The following ZNF385D variants were observed in gnomAD, a reference collection of about 807,000 sequenced individuals.
The protein encoded by ZNF385D is zinc finger protein 385D, also known as zinc finger protein 659.
A neutral mutation model predicts 35.8 loss-of-function variants in ZNF385D; 15 were observed. The observed-to-expected ratio is 0.42, with a 90% CI of 0.28 to 0.64. The LOEUF is 0.64. Among genes scored for constraint, ZNF385D ranks in the 30% least tolerant of loss-of-function variants. ZNF385D has a pLI of 0.23. For missense variants in ZNF385D, 474 were observed against 494.6 expected (o/e 0.96, Z 0.39); for synonymous variants, 212 against 186.8 (o/e 1.13, Z -1.10).
At chr3:22,261,843 C>G (rs1700649499) in intron 2 of ZNF385D, among the ~76,000 whole-genome samples, 1 of 151,982 alleles carries the variant, frequency 6.6e-6, no homozygotes, top group Admixed American at 6.6e-5. Context: ...CTCCTCAAGC[C>G]TATGGGTGAT....
intron 3 of ZNF385D, among the ~76,000 whole-genome samples, chr3:21,527,430 T>C (rs1214079761): frequency 6.6e-6 from 1 of 152,156 alleles, no homozygotes; most frequent in East Asian, 1.9e-4. Context: ...CCCAACATAA[T>C]TCATTTCACC....
At chr3:22,192,562 A>G (rs1490246403) in intron 2 of ZNF385D, among the ~76,000 whole-genome samples, 1 of 152,146 alleles carries the variant, frequency 6.6e-6, no homozygotes, top group African/African-American at 2.4e-5. Context: ...TTGTGAAGAC[A>G]CTCAAGCAAG....
At chr3:22,298,380 G>A (rs1277201362) in intron 2 of ZNF385D, among the ~76,000 whole-genome samples, 1 of 144,834 alleles carries the variant, frequency 6.9e-6, no homozygotes, top group Admixed American at 7.1e-5. Flanking sequence ...ATGTATGTGT[G>A]TGTGTGTGTG....
At chr3:22,201,326 T>C (rs1368799022) in intron 2 of ZNF385D, among the ~76,000 whole-genome samples, 1 of 152,066 alleles carries the variant, frequency 6.6e-6, no homozygotes, top group Non-Finnish European at 1.5e-5. Context: ...GAAAATTAAA[T>C]AAATAATATC....
At chr3:22,173,429 T>G (rs751904942) in intron 2 of ZNF385D, among the ~76,000 whole-genome samples, 1 of 152,132 alleles carries the variant, frequency 6.6e-6, no homozygotes, top group Non-Finnish European at 1.5e-5. Flanking sequence ...CTCTACCAAT[T>G]TGGCAACTTT....
At chr3:21,737,454 G>A (rs573010869) in intron 1 of ZNF385D, among the ~76,000 whole-genome samples, 63 of 112,070 alleles carry the variant, frequency 5.6e-4, no homozygotes, top group Non-Finnish European at 7.2e-4. Flanking sequence ...ATAAACAAGA[G>A]GGGGATATAT....
chr3:22,122,229 G>T (rs1020430235), intron 3 of ZNF385D, among the ~76,000 whole-genome samples: 1 of 152,060 alleles, frequency 6.6e-6, no homozygotes, highest in African/African-American at 2.4e-5. Context: ...CTTTCTACCA[G>T]AACTTGCTCT....
chr3:21,834,252 A>T (rs1695186430), intron 3 of ZNF385D, among the ~76,000 whole-genome samples: 1 of 152,092 alleles, frequency 6.6e-6, no homozygotes, highest in African/African-American at 2.4e-5. Context: ...AGTCCACGAG[A>T]CTCAGAGCTG....
intron 3 of ZNF385D, among the ~76,000 whole-genome samples, chr3:22,133,358 T>C (rs1703912699): frequency 6.6e-6 from 1 of 152,010 alleles, no homozygotes; most frequent in African/African-American, 2.4e-5. Context: ...AAACTCTCTA[T>C]ATCTCTATAT....
intron 2 of ZNF385D, among the ~76,000 whole-genome samples, chr3:22,260,598 A>G (rs986090719): frequency 6.6e-6 from 1 of 152,032 alleles, no homozygotes; most frequent in African/African-American, 2.4e-5. Context: ...ATCAGTATAA[A>G]TTTGATAGGT....
chr3:22,230,951 A>G (rs1312544649), intron 2 of ZNF385D, among the ~76,000 whole-genome samples: 2 of 152,106 alleles, frequency 1.3e-5, no homozygotes, highest in Non-Finnish European at 2.9e-5. Context: ...GCACTCAGGA[A>G]ATGTACTAAT....
intron 2 of ZNF385D, among the ~76,000 whole-genome samples, chr3:22,299,884 A>G (rs879688441): frequency 4.6e-5 from 7 of 151,898 alleles, no homozygotes; most frequent in Non-Finnish European, 1.0e-4. Flanking sequence ...AAATGTTCAT[A>G]TACCCAAAGC....
At chr3:21,771,518 A>T (rs1214492518) in intron 3 of ZNF385D, among the ~76,000 whole-genome samples, 1 of 151,990 alleles carries the variant, frequency 6.6e-6, no homozygotes, top group Admixed American at 6.6e-5. Context: ...TTGTTCCTAA[A>T]AAAGACTTGA....
Position 21,421,167 on chromosome 3 carries a change from TTTG to T in ZNF385D, c.*44_*46del. The T allele has an allele frequency of 1.3e-6, 2 of 1,513,594 alleles. No homozygotes were observed. The highest frequency in any genetic ancestry group is 1.8e-6 in the Non-Finnish European group (2 of 1,094,608). The allele number at this position is 1,513,594 out of a possible 1,614,324, so 93.8% of individuals were successfully genotyped here. On this transcript the variant is annotated 3_prime_UTR_variant, in exon 8 of 8. Coordinates refer to ENST00000281523, the MANE Select transcript of ZNF385D (RefSeq NM_024697.3). ...TAGTTCTCTTTTGTTTGTTTTGTTT[TTTG>T]TTTTTTGAAAAATTATTGCAGTACA... is the stretch of plus-strand genomic sequence containing the variant.
At chr3:22,000,660 C>G (rs1695783409) in intron 3 of ZNF385D, among the ~76,000 whole-genome samples, 1 of 151,474 alleles carries the variant, frequency 6.6e-6, no homozygotes, top group Non-Finnish European at 1.5e-5. Context: ...GGAAAAGCAT[C>G]AAGTCAAATA....
At chr3:21,793,668 G>C (rs747166313) in intron 3 of ZNF385D, among the ~76,000 whole-genome samples, 1 of 152,178 alleles carries the variant, frequency 6.6e-6, no homozygotes, top group Non-Finnish European at 1.5e-5. Context: ...GTTGTAAAGC[G>C]ATGGGAGCAA....
intron 3 of ZNF385D, among the ~76,000 whole-genome samples, chr3:21,833,987 A>T (rs1695165963): frequency 6.6e-6 from 1 of 152,194 alleles, no homozygotes; most frequent in African/African-American, 2.4e-5. Flanking sequence ...AAATGTTAAA[A>T]AGTCCTTTTA....
chr3:21,841,892 C>T (rs17009750), intron 3 of ZNF385D, among the ~76,000 whole-genome samples: 4,828 of 151,348 alleles, frequency 0.032, 112 homozygotes, highest in East Asian at 0.06. Context: ...TAACAAGTCA[C>T]GCCTCAGAAA....
At chr3:21,567,388 T>TATTA (rs1028423998) in intron 2 of ZNF385D, among the ~76,000 whole-genome samples, 28 of 152,082 alleles carry the variant, frequency 1.8e-4, no homozygotes, top group African/African-American at 6.5e-4. Context: ...CTCAATCTTT[T>TATTA]ATTATTTCCC....
Sources: allele counts gnomAD v4.1 joint callset (sites outside exome capture counted in the v4.1 genomes callset), GRCh38; gene constraint gnomAD v4.1.1; transcripts MANE v1.5; gene names NCBI Gene and HGNC (gene_info 2026-07-23, HGNC 2026-07-21).